CADM2: variants seen among roughly 807,000 people sequenced by gnomAD.
The protein encoded by CADM2 is immunoglobulin superfamily member 4D.
Under a neutral mutation model 49.8 loss-of-function variants are expected in CADM2, and 12 were observed. That is an observed-to-expected ratio of 0.24 (90% CI 0.15 to 0.39). The LOEUF (loss-of-function observed/expected upper bound fraction) is 0.39, where lower values mean the gene tolerates loss of function less well. Among genes scored for constraint, CADM2 ranks in the 10% least tolerant of loss-of-function variants. CADM2 has a pLI of 1.00. For missense variants in CADM2, 378 were observed against 492.3 expected, an observed-to-expected ratio of 0.77 and a Z score of 2.20; for synonymous variants, 214 against 175.4, an observed-to-expected ratio of 1.22 and a Z score of -1.74.
chr3:85,951,319 G>T (rs1249563746), intron 7 of CADM2, among the ~76,000 whole-genome samples: 2 of 151,152 alleles, frequency 1.3e-5, no homozygotes, highest in Non-Finnish European at 1.5e-5. Context: ...ACAAGTAACT[G>T]CAATAGGTGA....
At chr3:85,381,292 A>G (rs1576452841) in intron 1 of CADM2, among the ~76,000 whole-genome samples, 1 of 127,938 alleles carries the variant, frequency 7.8e-6, no homozygotes, top group African/African-American at 5.2e-5. Context: ...CTGGTTAGGC[A>G]TTACATGTAA....
chr3:85,069,851 G>A (rs1376817052), intron 1 of CADM2, among the ~76,000 whole-genome samples: 1 of 152,092 alleles, frequency 6.6e-6, no homozygotes, highest in Non-Finnish European at 1.5e-5. Context: ...TTCTGAAGAA[G>A]CTGATGTGAT....
At chr3:85,080,537 C>T (rs904373342) in intron 1 of CADM2, among the ~76,000 whole-genome samples, 2 of 151,982 alleles carry the variant, frequency 1.3e-5, no homozygotes, top group African/African-American at 4.8e-5. Flanking sequence ...TTGTCGGTAG[C>T]AGTACCAAAA....
chr3:85,656,250 A>G (rs1047490869), intron 1 of CADM2, among the ~76,000 whole-genome samples: 1 of 152,180 alleles, frequency 6.6e-6, no homozygotes, highest in Non-Finnish European at 1.5e-5. Context: ...ATAAAAGTTG[A>G]ATAAATAAAA....
chr3:85,184,610 C>T (rs2041010310), intron 1 of CADM2, among the ~76,000 whole-genome samples: 1 of 151,820 alleles, frequency 6.6e-6, no homozygotes, highest in South Asian at 2.1e-4. Flanking sequence ...TGAGACATGT[C>T]GATAAGGAAT....
chr3:85,096,056 T>G (rs558317548), intron 1 of CADM2, among the ~76,000 whole-genome samples: 1 of 152,270 alleles, frequency 6.6e-6, no homozygotes, highest in South Asian at 2.1e-4. Context: ...CAATGTGACT[T>G]GTCTGTCTGT....
At chr3:85,619,762 G>T (rs957810251) in intron 1 of CADM2, among the ~76,000 whole-genome samples, 3 of 152,048 alleles carry the variant, frequency 2.0e-5, no homozygotes, top group South Asian at 2.1e-4. Flanking sequence ...CACAGAAAAA[G>T]GTTTAGGCAT....
At chr3:85,268,554 CATATTATAAA>C (rs2043170705) in intron 1 of CADM2, among the ~76,000 whole-genome samples, 1 of 151,078 alleles carries the variant, frequency 6.6e-6, no homozygotes, top group Admixed American at 6.6e-5. Context: ...AATTTGTGTG[CATATTATAAA>C]AATCCCATCT....
At chr3:85,415,295 T>G (rs1048863897) in intron 1 of CADM2, among the ~76,000 whole-genome samples, 1 of 152,016 alleles carries the variant, frequency 6.6e-6, no homozygotes, top group Non-Finnish European at 1.5e-5. Flanking sequence ...TAAATATATT[T>G]CCGGGTTCCC....
At chr3:85,817,840 T>A (rs974772102) in intron 3 of CADM2, among the ~76,000 whole-genome samples, 1 of 151,802 alleles carries the variant, frequency 6.6e-6, no homozygotes, top group East Asian at 1.9e-4. Flanking sequence ...CAAAAAAACC[T>A]TCTTGAGGAC....
At chr3:85,568,830 A>T (rs1267289048) in intron 1 of CADM2, among the ~76,000 whole-genome samples, 5 of 150,690 alleles carry the variant, frequency 3.3e-5, no homozygotes, top group Non-Finnish European at 3.0e-5. Flanking sequence ...CTGGTTTCAA[A>T]CTCCTGACTT....
At chr3:85,343,301 C>G (rs1323517666) in intron 1 of CADM2, among the ~76,000 whole-genome samples, 1 of 152,100 alleles carries the variant, frequency 6.6e-6, no homozygotes, top group African/African-American at 2.4e-5. Context: ...CATATTTTGT[C>G]TAAAAGTACT....
chr3:85,707,780 C>T (rs756151905), intron 1 of CADM2, among the ~76,000 whole-genome samples: 4 of 151,976 alleles, frequency 2.6e-5, no homozygotes, highest in African/African-American at 4.8e-5. Context: ...GATTTCCTTC[C>T]GTCTAAATTT....
At chr3:85,166,453 T>C (rs1172311202) in intron 1 of CADM2, among the ~76,000 whole-genome samples, 1 of 151,790 alleles carries the variant, frequency 6.6e-6, no homozygotes, top group Non-Finnish European at 1.5e-5. Flanking sequence ...CTATTCAGAT[T>C]TACATGAACA....
rs1054215635 is a variant in CADM2, at chr3:86,070,452, C to G, written c.*3669C>G. On this transcript the variant is annotated 3_prime_UTR_variant, in exon 10 of 10. Transcript: ENST00000383699. ...ATGCCTTTTGTTTTTCTTTGGACAT[C>G]AAGGTAATTTAGTGGACAACAAATA... 6.6e-6 allele frequency: 1 copy of G among 151,830 alleles called. No homozygotes were observed. Among genetic ancestry groups the G allele is most frequent in the African/African-American group, 2.4e-5 (1 of 41,404 alleles). 9.4% of individuals were successfully genotyped at this position (151,830 alleles called of 1,614,324 possible). A position where few individuals can be genotyped will look rare whatever the true frequency, so the allele number is the denominator to read the frequency against.
intron 8 of CADM2, among the ~76,000 whole-genome samples, chr3:85,968,852 A>G (rs1025456017): frequency 4.0e-5 from 6 of 151,764 alleles, no homozygotes; most frequent in East Asian, 1.9e-4. Context: ...AAACAATGGC[A>G]TTCCTAAATA....
At chr3:85,922,199 TCCTTCTTCC>T (rs1719210090) in intron 6 of CADM2, among the ~76,000 whole-genome samples, 1 of 151,926 alleles carries the variant, frequency 6.6e-6, no homozygotes, top group Admixed American at 6.6e-5. Flanking sequence ...TCTTTCCTTC[TCCTTCTTCC>T]CCTTCTTTCC....
At chr3:85,237,994 A>T (rs905878882) in intron 1 of CADM2, among the ~76,000 whole-genome samples, 3 of 151,910 alleles carry the variant, frequency 2.0e-5, no homozygotes. Context: ...GTTTTTAATT[A>T]AAATATAGAA....
intron 1 of CADM2, among the ~76,000 whole-genome samples, chr3:85,214,946 C>A (rs1334558903): frequency 6.6e-6 from 1 of 152,060 alleles, no homozygotes; most frequent in Non-Finnish European, 1.5e-5. Flanking sequence ...TGGTGCTCTA[C>A]CCCACTGTGG....
Sources: allele counts gnomAD v4.1 joint callset (sites outside exome capture counted in the v4.1 genomes callset), GRCh38; gene constraint gnomAD v4.1.1; transcripts MANE v1.5; gene names NCBI Gene and HGNC (gene_info 2026-07-23, HGNC 2026-07-21).